Variants in CYP4X1 observed in about 807,000 individuals in gnomAD.
CYP4X1 encodes cytochrome P450 family 4 subfamily X member 1.
In CYP4X1, 44 loss-of-function variants were observed where a neutral mutation model predicts 57.9. That is an observed-to-expected ratio of 0.76 (90% CI 0.60 to 0.98). CYP4X1 has a LOEUF of 0.98. Ranked by LOEUF, CYP4X1 falls within the 50% of genes least tolerant of loss-of-function variation. CYP4X1 has a pLI of 0.00. For synonymous variants in CYP4X1, 227 were observed against 228.6 expected, an observed-to-expected ratio of 0.99 and a Z score of 0.06; for missense variants, 532 against 623.9, an observed-to-expected ratio of 0.85 and a Z score of 1.57.
At chr1:47,031,608 C>T (rs907404488) in intron 3 of CYP4X1, 128 bp downstream of exon 3, 35 of 993,240 alleles carry the variant, frequency 3.5e-5, no homozygotes, top group Non-Finnish European at 4.3e-5. Context: ...CTATACTGAA[C>T]GTTATCTAGG....
intron 8 of CYP4X1, chr1:47,039,856 TA>T (rs1644226552): frequency 1.1e-5 from 2 of 174,262 alleles, no homozygotes; most frequent in Non-Finnish European, 2.4e-5. Flanking sequence ...ACTTAGAACT[TA>T]AACAATAGGG....
chr1:47,051,902 G>GA (rs1173950926), downstream of CYP4X1, among the ~76,000 whole-genome samples: 1 of 150,970 alleles, frequency 6.6e-6, no homozygotes, highest in East Asian at 2.0e-4. Flanking sequence ...CTTCTTGCTG[G>GA]AAAAATGGGT....
At chr1:46,962,140 T>C in the CYP4X1 span, among the ~76,000 whole-genome samples, 1 of 152,184 alleles carries the variant, frequency 6.6e-6, no homozygotes, top group Non-Finnish European at 1.5e-5. Context: ...TTTTTCAAGA[T>C]GGAGTTTCAC....
At chr1:47,048,667 T>C in intron 10 of CYP4X1, 38 bp downstream of exon 10, 1 of 1,577,892 alleles carries the variant, frequency 6.3e-7, no homozygotes, top group Non-Finnish European at 8.6e-7. Context: ...TTCCAAGAAC[T>C]AATGCTGTGC....
the CYP4X1 span, among the ~76,000 whole-genome samples, chr1:46,999,133 G>A: frequency 6.6e-6 from 1 of 151,048 alleles, no homozygotes; most frequent in Non-Finnish European, 1.5e-5. Context: ...TTTGGAGATT[G>A]TTTCAGTAAA....
chr1:46,992,615 T>C, the CYP4X1 span, among the ~76,000 whole-genome samples: 2 of 152,224 alleles, frequency 1.3e-5, no homozygotes, highest in African/African-American at 2.4e-5. Flanking sequence ...TAATATTGTA[T>C]GTATATAGGA....
At chr1:47,002,404 A>G in the CYP4X1 span, among the ~76,000 whole-genome samples, 147 of 152,360 alleles carry the variant, frequency 9.6e-4, no homozygotes, top group Non-Finnish European at 1.7e-3. Flanking sequence ...CCTGTCCTCT[A>G]GTGGCAGTGA....
intron 8 of CYP4X1, among the ~76,000 whole-genome samples, chr1:47,040,142 C>T (rs1347486388): frequency 6.6e-6 from 1 of 151,986 alleles, no homozygotes; most frequent in Admixed American, 6.6e-5. Context: ...AGACAGACCT[C>T]CAAATTGCAG....
chr1:47,046,104 A>AT (rs1211444118), intron 8 of CYP4X1, among the ~76,000 whole-genome samples: 2 of 151,816 alleles, frequency 1.3e-5, no homozygotes, highest in African/African-American at 4.8e-5. Context: ...ACTTTAAATA[A>AT]TTTTTTCTCT....
chr1:47,030,202 T>C lies in CYP4X1; in HGVS notation c.319+71T>C. 1.1e-5 allele frequency: 17 copies of C among 1,530,970 alleles called. 1 individual carries two copies. In the South Asian group the frequency reaches 2.2e-4, roughly 20 times the overall value. 94.8% of individuals were successfully genotyped at this position (1,530,970 alleles called of 1,614,324 possible). A position where few individuals can be genotyped will look rare whatever the true frequency, so the allele number is the denominator to read the frequency against. On this transcript the variant is annotated intron_variant, in intron 2 of 11. Coordinates refer to ENST00000371901, the MANE Select transcript of CYP4X1 (RefSeq NM_178033.2). ...AAATGCATAAAACCCATAGGCAAGA[T>C]TCCAAAGCAAAGATTGGTTTGGGGC...
At chr1:47,013,653 T>A in the CYP4X1 span, among the ~76,000 whole-genome samples, 2 of 152,262 alleles carry the variant, frequency 1.3e-5, no homozygotes, top group Non-Finnish European at 2.9e-5. Context: ...ATTGTTTAAC[T>A]TATTATCCAA....
chr1:47,003,762 A>G, the CYP4X1 span, among the ~76,000 whole-genome samples: 1 of 152,046 alleles, frequency 6.6e-6, no homozygotes, highest in Non-Finnish European at 1.5e-5. Flanking sequence ...CATAACCCAA[A>G]CACCTCCCGC....
intron 4 of CYP4X1, among the ~76,000 whole-genome samples, chr1:47,035,221 G>A (rs1484152704): frequency 6.6e-6 from 1 of 151,984 alleles, no homozygotes; most frequent in African/African-American, 2.4e-5. Flanking sequence ...GTTTAAAAAT[G>A]TCAGGCAAAG....
At chr1:47,036,276 T>C in intron 6 of CYP4X1, 105 bp downstream of exon 6, 1 of 1,350,656 alleles carries the variant, frequency 7.4e-7, no homozygotes, top group Non-Finnish European at 9.6e-7. Flanking sequence ...ATCTTTGTTA[T>C]TAATGGAGCT....
chr1:47,045,510 A>C (rs910362198), intron 8 of CYP4X1, among the ~76,000 whole-genome samples: 1 of 152,196 alleles, frequency 6.6e-6, no homozygotes, highest in African/African-American at 2.4e-5. Flanking sequence ...GAAACTTTCA[A>C]ATACTTATCC....
chr1:47,052,620 C>T (rs1418319759), downstream of CYP4X1, among the ~76,000 whole-genome samples: 3 of 152,024 alleles, frequency 2.0e-5, no homozygotes, highest in Non-Finnish European at 4.4e-5. Flanking sequence ...TATTGGGTAC[C>T]TTTATGTTTA....
At chr1:47,010,317 A>T in the CYP4X1 span, among the ~76,000 whole-genome samples, 23 of 152,216 alleles carry the variant, frequency 1.5e-4, no homozygotes, top group African/African-American at 5.3e-4. Context: ...AAACCACATA[A>T]TTATCTCAAT....
chr1:47,024,281 AGTCT>A (rs1644037414), intron 1 of CYP4X1, among the ~76,000 whole-genome samples: 2 of 152,274 alleles, frequency 1.3e-5, no homozygotes, highest in African/African-American at 4.8e-5. Context: ...CTGTAACTCA[AGTCT>A]GTCTCTCATT....
At chr1:46,966,466 G>A in the CYP4X1 span, among the ~76,000 whole-genome samples, 1 of 152,064 alleles carries the variant, frequency 6.6e-6, no homozygotes, top group Admixed American at 6.6e-5. Flanking sequence ...GAGAAGTGTG[G>A]TTTCCTGGGT....
Sources: gnomAD v4.1 joint callset for allele counts (sites outside exome capture counted in the v4.1 genomes callset) on GRCh38, gnomAD v4.1.1 for gene constraint, MANE v1.5 for transcripts, NCBI Gene and HGNC (gene_info 2026-07-23, HGNC 2026-07-21) for gene names.